Variants in SH2B2 observed in about 807,000 individuals in gnomAD.
The protein encoded by SH2B2 is SH2B adaptor protein 2.
SH2B2 carries 37 observed loss-of-function variants against 35.7 expected under a neutral mutation model. The ratio of observed to expected loss-of-function variants is 1.04; its 90% confidence interval spans 0.80 to 1.36. The LOEUF is 1.36. Ranked by LOEUF, SH2B2 falls within the 40% of genes most tolerant of loss-of-function variation. The pLI, the probability that SH2B2 is intolerant of heterozygous loss-of-function variation, is 0.00. For missense variants in SH2B2, 852 were observed against 817.7 expected (o/e 1.04, Z -0.51); for synonymous variants, 383 against 376.4 (o/e 1.02, Z -0.20).
In SH2B2 at chr7:102,321,283, C is replaced by A; in HGVS notation, c.1568-16C>A. On this transcript the variant is annotated splice_polypyrimidine_tract_variant and intron_variant, in intron 8 of 8. Transcript: ENST00000444095. ...GCCCAGGTCCCCACTCACGCCCTGC[C>A]GTCGCCTTGTTGCAGAGCCGGGCCC... 1 of 1,366,876 alleles carries A rather than the reference C, an allele frequency of 7.3e-7. No individual in the cohort carries two copies. The highest frequency in any genetic ancestry group is 1.7e-5 in the South Asian group (1 of 60,352). 84.7% of individuals were successfully genotyped at this position (1,366,876 alleles called of 1,614,324 possible).
At chr7:102,306,572 C>T in intron 2 of SH2B2, 149 bp from the exon 3 acceptor site, 1 of 639,706 alleles carries the variant, frequency 1.6e-6, no homozygotes. Flanking sequence ...TCAGCTTCCC[C>T]CTCTGTGAAA....
At chr7:102,286,039 GA>G (rs1238742874), upstream of SH2B2, among the ~76,000 whole-genome samples, 4 of 152,232 alleles carry the variant, frequency 2.6e-5, no homozygotes, top group Non-Finnish European at 5.9e-5. Flanking sequence ...AGCCCAGCGG[GA>G]CTGTTTCCTC....
intron 1 of SH2B2, chr7:102,293,048 T>C (rs1792739940): frequency 6.5e-6 from 1 of 153,840 alleles, no homozygotes; most frequent in Admixed American, 6.6e-5. Context: ...CTCCTGCCTC[T>C]CCCCGCCCCC....
chr7:102,317,129 T>G, intron 6 of SH2B2, 58 bp from the exon 7 acceptor site: 1 of 1,362,186 alleles, frequency 7.3e-7, no homozygotes, highest in Non-Finnish European at 1.0e-6. Flanking sequence ...TCACATTTAT[T>G]TATTTGTCCC....
chr7:102,303,146 G>A (rs549710457), intron 2 of SH2B2, among the ~76,000 whole-genome samples: 1 of 152,036 alleles, frequency 6.6e-6, no homozygotes, highest in South Asian at 2.1e-4. Context: ...CAACCCAGGA[G>A]GCAGAGATTG....
At chr7:102,307,715 C>T (rs888520651) in intron 3 of SH2B2, among the ~76,000 whole-genome samples, 8 of 151,710 alleles carry the variant, frequency 5.3e-5, no homozygotes, top group East Asian at 1.9e-4. Context: ...AGGCAGTCTC[C>T]GAGAACCCTC....
intron 8 of SH2B2, among the ~76,000 whole-genome samples, chr7:102,320,942 T>C (rs543409127): frequency 6.6e-6 from 1 of 152,252 alleles, no homozygotes; most frequent in African/African-American, 2.4e-5. Context: ...TATGTGTGCA[T>C]GTGCCCGTGT....
At chr7:102,317,983 A>G (rs1554557444) in intron 7 of SH2B2, among the ~76,000 whole-genome samples, 1 of 152,100 alleles carries the variant, frequency 6.6e-6, no homozygotes, top group Non-Finnish European at 1.5e-5. Context: ...GGACAGCCTG[A>G]TCAGAGACCT....
At chr7:102,295,194 CCTGCCTGCCG>C (rs1316962825) in intron 1 of SH2B2, among the ~76,000 whole-genome samples, 1 of 152,160 alleles carries the variant, frequency 6.6e-6, no homozygotes, top group Non-Finnish European at 1.5e-5. Flanking sequence ...GGGCTGACTT[CCTGCCTGCCG>C]CTGCCTGCCC....
At chr7:102,318,018 G>A (rs1258069906) in intron 7 of SH2B2, among the ~76,000 whole-genome samples, 1 of 152,118 alleles carries the variant, frequency 6.6e-6, no homozygotes, top group Non-Finnish European at 1.5e-5. Flanking sequence ...ATTGTGGAGG[G>A]GAAGACAGTC....
chr7:102,290,383 G>A (rs1792631925), intron 1 of SH2B2, among the ~76,000 whole-genome samples: 1 of 151,894 alleles, frequency 6.6e-6, no homozygotes, highest in African/African-American at 2.4e-5. Context: ...TCATGCCTCA[G>A]CCTTCTGAGT....
At chr7:102,312,851 C>T (rs1207528531) in intron 4 of SH2B2, among the ~76,000 whole-genome samples, 9 of 152,082 alleles carry the variant, frequency 5.9e-5, no homozygotes, top group Non-Finnish European at 1.3e-4. Flanking sequence ...TTCTCAGGGC[C>T]GGGCGCGGTG....
chr7:102,301,205 C>T lies in SH2B2; in HGVS notation c.655C>T (p.Gln219Ter). The change falls in exon 2 of 9, where the codon CAG (glutamine) becomes TAG (stop). Residue 219 changes from glutamine (Q) to a stop codon, truncating the protein, a stop_gained. Transcript: ENST00000444095. LOFTEE classifies it high-confidence loss of function. ...GGGCTCCGGGGGCTCGGCTCAGTGG[C>T]AGAAGTGCCGCCTGCTCCTGCGCAG... ...AAGSGGSAQW[Q>*]KCRLLLRRAV... 1 of 1,593,066 alleles carries T rather than the reference C, an allele frequency of 6.3e-7. No individual in the cohort carries two copies. Among genetic ancestry groups the T allele is most frequent in the Non-Finnish European group, 8.5e-7 (1 of 1,171,438 alleles).
At position 102,321,348 on chromosome 7, in the gene SH2B2, C is replaced by T. The variant is rs1794067980; in HGVS notation, c.1617C>T (p.Ser539=). The change falls in exon 9 of 9, where the codon AGC becomes AGT. Residue 539 remains serine (S), a synonymous_variant. Transcript: ENST00000444095. ...CGCCCGCGTCCCCGGCCTGCTGGAGCGACTCGCCCGGCCAGCACTACTTCT... is the reference window on the plus strand; with the variant it reads ...CGCCCGCGTCCCCGGCCTGCTGGAGTGACTCGCCCGGCCAGCACTACTTCT... ...PAAPASPACW[S]DSPGQHYFSS... 2 of 1,440,346 alleles carry T rather than the reference C, an allele frequency of 1.4e-6. No individual in the cohort carries two copies. Among genetic ancestry groups the T allele is most frequent in the Admixed American group, 2.8e-5 (1 of 36,328 alleles). 89.2% of individuals were successfully genotyped at this position (1,440,346 alleles called of 1,614,324 possible). A position where few individuals can be genotyped will look rare whatever the true frequency, so the allele number is the denominator to read the frequency against.
chr7:102,309,098 T>G lies in SH2B2; in HGVS notation c.923+192T>G, dbSNP rs73712461. The G allele has an allele frequency of 4.1e-3, 2,791 of 681,986 alleles. 53 individuals are homozygous for G. In the African/African-American group the frequency reaches 0.041, roughly 10 times the overall value. 42.2% of individuals were successfully genotyped at this position (681,986 alleles called of 1,614,324 possible). On this transcript the variant is annotated intron_variant, in intron 4 of 8. Coordinates refer to ENST00000444095, the MANE Select transcript of SH2B2 (RefSeq NM_001359228.2). The stretch of plus-strand genomic sequence containing the variant: ...CCTACCTCCAATCGCCAGCAGACTC[T>G]GTGAGGCCTGCTCTATGGGGCCAGG...
At chr7:102,289,379 C>T (rs562842191) in intron 1 of SH2B2, among the ~76,000 whole-genome samples, 4 of 152,094 alleles carry the variant, frequency 2.6e-5, no homozygotes, top group East Asian at 3.9e-4. Context: ...GGGGCGTTCC[C>T]GAGGCCTCTG....
chr7:102,303,763 C>T (rs1320033590), intron 2 of SH2B2, among the ~76,000 whole-genome samples: 1 of 152,196 alleles, frequency 6.6e-6, no homozygotes, highest in Non-Finnish European at 1.5e-5. Context: ...GGACAGAAGC[C>T]CAGGGCTCCA....
upstream of SH2B2, chr7:102,285,265 C>T: frequency 6.5e-7 from 1 of 1,546,326 alleles, no homozygotes; most frequent in Admixed American, 2.0e-5. Flanking sequence ...CCAGGTTAGT[C>T]CACCGCGGGT....
chr7:102,316,944 G>A (rs1317477296), intron 6 of SH2B2, among the ~76,000 whole-genome samples: 30 of 151,920 alleles, frequency 2.0e-4, no homozygotes, highest in South Asian at 4.1e-4. Flanking sequence ...GCTTGAACCC[G>A]GAAGGCAGAG....
Sources: gnomAD v4.1 joint callset for allele counts (sites outside exome capture counted in the v4.1 genomes callset) on GRCh38, gnomAD v4.1.1 for gene constraint, MANE v1.5 for transcripts, NCBI Gene and HGNC (gene_info 2026-07-23, HGNC 2026-07-21) for gene names.